Variants in MOSMO observed in about 807,000 individuals in gnomAD.
MOSMO encodes modulator of smoothened.
In MOSMO, 5 loss-of-function variants were observed where a neutral mutation model predicts 18.4. That is an observed-to-expected ratio of 0.27 (90% CI 0.14 to 0.57). MOSMO has a LOEUF of 0.57. Ranked by LOEUF, MOSMO falls within the 20% of genes least tolerant of loss-of-function variation. The probability of loss-of-function intolerance (pLI) is 0.92; values close to 1 mark genes in which losing one functional copy is unlikely to be tolerated. For missense variants in MOSMO, 138 were observed against 211.8 expected (o/e 0.65, Z 2.16); for synonymous variants, 82 against 82.3 (o/e 1.00, Z 0.02).
chr16:22,018,834 G>A (rs951079629), intron 1 of MOSMO, among the ~76,000 whole-genome samples: 1 of 152,182 alleles, frequency 6.6e-6, no homozygotes, highest in Non-Finnish European at 1.5e-5. Flanking sequence ...GAAGACTTGG[G>A]TGGTTCTTGT....
chr16:22,046,564 C>T (rs1268467826), intron 1 of MOSMO, among the ~76,000 whole-genome samples: 2 of 152,134 alleles, frequency 1.3e-5, no homozygotes, highest in Non-Finnish European at 2.9e-5. Flanking sequence ...AACGAAGTTT[C>T]CCTAACACAC....
At chr16:22,009,505 C>T (rs2141974112) in intron 1 of MOSMO, among the ~76,000 whole-genome samples, 1 of 152,174 alleles carries the variant, frequency 6.6e-6, no homozygotes, top group African/African-American at 2.4e-5. Context: ...CTCTTTCTCC[C>T]TCTCTCCCAG....
intron 1 of MOSMO, among the ~76,000 whole-genome samples, chr16:22,041,964 G>A (rs1900218686): frequency 1.3e-5 from 2 of 152,162 alleles, no homozygotes; most frequent in South Asian, 4.1e-4. Flanking sequence ...AGGATAACAG[G>A]TGTGAGCCAC....
chr16:22,060,604 G>C (rs559914961), intron 1 of MOSMO, among the ~76,000 whole-genome samples: 2 of 152,296 alleles, frequency 1.3e-5, no homozygotes, highest in South Asian at 4.1e-4. Context: ...CGGGCACGGT[G>C]GCTCACACCT....
chr16:22,089,850 G>T (rs1901261783), downstream of MOSMO, among the ~76,000 whole-genome samples: 1 of 151,730 alleles, frequency 6.6e-6, no homozygotes, highest in African/African-American at 2.4e-5. Flanking sequence ...CACCAAACAT[G>T]GAACAAGTTT....
intron 1 of MOSMO, among the ~76,000 whole-genome samples, chr16:22,034,085 C>T (rs1442138749): frequency 6.6e-6 from 1 of 152,198 alleles, no homozygotes; most frequent in Non-Finnish European, 1.5e-5. Flanking sequence ...AGTTCACTTT[C>T]AAATGACACT....
intron 2 of MOSMO, 99 bp downstream of exon 2, chr16:22,075,798 C>A: frequency 2.5e-6 from 2 of 814,852 alleles, no homozygotes; most frequent in Non-Finnish European, 2.0e-6. Context: ...ACTTCATAAT[C>A]ATCAAAGAGC....
chr16:22,044,558 G>A (rs939326007), intron 1 of MOSMO, among the ~76,000 whole-genome samples: 4 of 152,122 alleles, frequency 2.6e-5, no homozygotes, highest in African/African-American at 7.2e-5. Context: ...ATGCTCAACC[G>A]TAAGTATAAT....
intron 1 of MOSMO, among the ~76,000 whole-genome samples, chr16:22,009,490 C>A (rs1899471995): frequency 6.6e-6 from 1 of 152,042 alleles, no homozygotes; most frequent in South Asian, 2.1e-4. Flanking sequence ...CCTCTTCCCC[C>A]GCCTCTCTTT....
At chr16:22,060,054 G>A (rs998107218) in intron 1 of MOSMO, among the ~76,000 whole-genome samples, 2 of 152,200 alleles carry the variant, frequency 1.3e-5, no homozygotes, top group Non-Finnish European at 2.9e-5. Context: ...GCACATGTCT[G>A]TGGTCCCAGC....
At chr16:22,029,919 C>T (rs972727426) in intron 1 of MOSMO, among the ~76,000 whole-genome samples, 1 of 152,200 alleles carries the variant, frequency 6.6e-6, no homozygotes, top group Non-Finnish European at 1.5e-5. Flanking sequence ...TGAGCCATGG[C>T]ATCTGGCCAG....
intron 1 of MOSMO, among the ~76,000 whole-genome samples, chr16:22,035,292 C>T (rs540751476): frequency 5.3e-5 from 8 of 152,132 alleles, no homozygotes; most frequent in African/African-American, 9.6e-5. Flanking sequence ...AGTTCAGCTC[C>T]GGTGAAATAG....
chr16:22,033,760 C>T (rs1900046256), intron 1 of MOSMO, among the ~76,000 whole-genome samples: 1 of 151,776 alleles, frequency 6.6e-6, no homozygotes, highest in African/African-American at 2.4e-5. Context: ...GCGGAGCTTG[C>T]AGTGAGCCGA....
chr16:22,055,502 TG>T (rs1407551689), intron 1 of MOSMO, among the ~76,000 whole-genome samples: 1 of 152,232 alleles, frequency 6.6e-6, no homozygotes. Context: ...TCCAGTATCT[TG>T]CAAACTTTTA....
In MOSMO at chr16:22,021,656, G is replaced by A. The variant is rs373590826; in HGVS notation, c.106+13249G>A. ...CTACAAAAAATACAAAAATTAACCCGGCGTGATGGCGTGTTCCTGTAGTCC... is the reference window on the plus strand; with the variant it reads ...CTACAAAAAATACAAAAATTAACCCAGCGTGATGGCGTGTTCCTGTAGTCC... On this transcript the variant is annotated intron_variant, in intron 1 of 2. Transcript: ENST00000542527. 1.4e-4 allele frequency among the ~76,000 whole-genome samples: 21 copies of A among 152,078 alleles called. 1 individual carries two copies. The East Asian group carries it at 2.1e-3, about 15-fold the overall frequency.
intron 1 of MOSMO, among the ~76,000 whole-genome samples, chr16:22,033,805 C>T (rs1264610197): frequency 2.0e-5 from 3 of 151,686 alleles, no homozygotes; most frequent in African/African-American, 7.3e-5. Context: ...GGCGGCAGAG[C>T]GAGACTCCAT....
At chr16:22,009,727 G>A (rs1289574273) in intron 1 of MOSMO, among the ~76,000 whole-genome samples, 3 of 146,570 alleles carry the variant, frequency 2.0e-5, no homozygotes, top group Non-Finnish European at 3.0e-5. Context: ...TTGGGAGGCC[G>A]AGGCGGGCGG....
intron 1 of MOSMO, among the ~76,000 whole-genome samples, chr16:22,067,172 CAT>C (rs1900762760): frequency 6.6e-6 from 1 of 152,018 alleles, no homozygotes; most frequent in African/African-American, 2.4e-5. Context: ...GAGATTATTG[CAT>C]ATGAGGAACA....
chr16:22,033,050 T>TG (rs1900029032), intron 1 of MOSMO, among the ~76,000 whole-genome samples: 1 of 152,230 alleles, frequency 6.6e-6, no homozygotes, highest in African/African-American at 2.4e-5. Context: ...TCTATGTCCT[T>TG]ATACCAGTGC....
Sources: allele counts gnomAD v4.1 joint callset (sites outside exome capture counted in the v4.1 genomes callset), GRCh38; gene constraint gnomAD v4.1.1; transcripts MANE v1.5; gene names NCBI Gene and HGNC (gene_info 2026-07-23, HGNC 2026-07-21).